RGS20: variants seen among roughly 807,000 people sequenced by gnomAD.
RGS20 encodes the protein regulator of G protein signaling 20.
A neutral mutation model predicts 33.6 loss-of-function variants in RGS20; 30 were observed. That is an observed-to-expected ratio of 0.89 (90% CI 0.67 to 1.21). The LOEUF (loss-of-function observed/expected upper bound fraction) is 1.21, where lower values mean the gene tolerates loss of function less well. RGS20 is among the 50% of genes most tolerant of loss of function. RGS20 has a pLI of 0.00. For missense variants in RGS20, 472 were observed against 502.4 expected, an observed-to-expected ratio of 0.94 and a Z score of 0.58; for synonymous variants, 208 against 197.9, an observed-to-expected ratio of 1.05 and a Z score of -0.43.
At chr8:53,930,919 T>C (rs1813940243) in intron 2 of RGS20, among the ~76,000 whole-genome samples, 1 of 152,198 alleles carries the variant, frequency 6.6e-6, no homozygotes, top group Admixed American at 6.5e-5. Flanking sequence ...TGTGCTGGCT[T>C]GTCCTGAGGC....
rs1812951925 is a variant in RGS20, at chr8:53,899,453, T to TTTTATGCTGCCTTTAAGGTAAA, written c.510+19853_510+19854insTATGCTGCCTTTAAGGTAAATT. Among the ~76,000 whole-genome samples, 6 of 152,244 alleles carry TTTTATGCTGCCTTTAAGGTAAA rather than the reference T, an allele frequency of 3.9e-5. 1 individual carries two copies. Among genetic ancestry groups the TTTTATGCTGCCTTTAAGGTAAA allele is most frequent in the Non-Finnish European group, 7.3e-5 (5 of 68,036 alleles). On this transcript the variant is annotated intron_variant, in intron 2 of 5. Transcript: ENST00000297313. The stretch of plus-strand genomic sequence containing the variant: ...TTTAAGGTAAATTAAAATACCAGCA[T>TTTTATGCTGCCTTTAAGGTAAA]TTAAAAACTGTTTTATGACATCCAT...
At chr8:53,910,803 G>A (rs1813328729) in intron 2 of RGS20, among the ~76,000 whole-genome samples, 2 of 152,092 alleles carry the variant, frequency 1.3e-5, no homozygotes, top group Non-Finnish European at 2.9e-5. Flanking sequence ...AAAGCATTAC[G>A]CTAAGTGAAA....
intron 1 of RGS20, chr8:53,852,137 A>C (rs878974668): frequency 1.8e-5 from 25 of 1,380,438 alleles, no homozygotes; most frequent in Non-Finnish European, 2.4e-5. Flanking sequence ...ATATAAAACT[A>C]TACTCAAGCT....
chr8:53,894,915 A>T (rs773340806), intron 2 of RGS20, among the ~76,000 whole-genome samples: 29 of 152,220 alleles, frequency 1.9e-4, no homozygotes, highest in African/African-American at 9.6e-5. Context: ...TGAAGCCCAC[A>T]GGAGGGGACT....
intron 2 of RGS20, 128 bp downstream of exon 1, chr8:53,881,212 CGG>C: frequency 1.5e-6 from 1 of 661,718 alleles, no homozygotes; most frequent in Non-Finnish European, 2.3e-6. Context: ...GCCGTTGCTG[CGG>C]GGCGGGAGCC....
At chr8:53,888,073 T>C (rs1812599430) in intron 2 of RGS20, among the ~76,000 whole-genome samples, 1 of 152,220 alleles carries the variant, frequency 6.6e-6, no homozygotes, top group Non-Finnish European at 1.5e-5. Context: ...TATACATTCA[T>C]TGTGTTTTTA....
intron 5 of RGS20, among the ~76,000 whole-genome samples, chr8:53,957,702 A>G (rs987975068): frequency 6.6e-6 from 1 of 152,226 alleles, no homozygotes; most frequent in Non-Finnish European, 1.5e-5. Flanking sequence ...CCCTACACCT[A>G]CTGAGTCTGG....
intron 1 of RGS20, among the ~76,000 whole-genome samples, chr8:53,854,434 T>C (rs541688443): frequency 6.6e-6 from 1 of 151,894 alleles, no homozygotes; most frequent in East Asian, 1.9e-4. Context: ...GCCATTTTAC[T>C]GAAGAGAATA....
intron 3 of RGS20, among the ~76,000 whole-genome samples, chr8:53,944,348 A>G (rs1345830747): frequency 2.0e-5 from 3 of 152,112 alleles, no homozygotes; most frequent in African/African-American, 7.2e-5. Flanking sequence ...GACCAGCAGG[A>G]CCAACATAGT....
chr8:53,906,624 TGA>T (rs776846009), intron 2 of RGS20, among the ~76,000 whole-genome samples: 1 of 152,128 alleles, frequency 6.6e-6, no homozygotes, highest in Non-Finnish European at 1.5e-5. Flanking sequence ...AACAAGGAAA[TGA>T]GAGTGTCTCT....
intron 2 of RGS20, among the ~76,000 whole-genome samples, chr8:53,889,412 C>CTTTTTTTTTTTTTTTTTTTTTT (rs34316630): frequency 4.8e-5 from 2 of 41,834 alleles, no homozygotes; most frequent in African/African-American, 1.1e-4. Flanking sequence ...CTCTCTCTCT[C>CTTTTTTTTTTTTTTTTTTTTTT]TTTTTTTTTT....
rs375024025 is a variant in RGS20, at chr8:53,877,765, TC to T, written c.166-1492del. Among the ~76,000 whole-genome samples, 252 of 152,306 alleles carry T rather than the reference TC, an allele frequency of 1.7e-3. 1 individual carries two copies. The highest frequency in any genetic ancestry group is 5.8e-3 in the African/African-American group (240 of 41,584). On this transcript the variant is annotated intron_variant, in intron 1 of 5. Transcript: ENST00000297313. This position sits in a 1 kb window ranked among gnomAD's most constrained non-coding sequence, Gnocchi z 5.7. ...ACTTACTCGGAAATGCAAACCGAGT[TC>T]AACTCACCCAGGAGCAAACAAACGA...
chr8:53,921,607 T>C (rs1813650448), intron 2 of RGS20, among the ~76,000 whole-genome samples: 1 of 152,076 alleles, frequency 6.6e-6, no homozygotes, highest in African/African-American at 2.4e-5. Context: ...TTTTTTCCAT[T>C]TCATCTAAGT....
chr8:53,930,639 G>C (rs1447348858), intron 2 of RGS20, among the ~76,000 whole-genome samples: 3 of 152,088 alleles, frequency 2.0e-5, no homozygotes, highest in Non-Finnish European at 4.4e-5. Context: ...TCTGCCTCCG[G>C]GGTTCAAGTG....
chr8:53,950,346 C>CT (rs1387979843), intron 4 of RGS20, among the ~76,000 whole-genome samples: 1 of 152,060 alleles, frequency 6.6e-6, no homozygotes, highest in Non-Finnish European at 1.5e-5. Context: ...TTGAGTTTCC[C>CT]TTATCCAAAA....
At position 53,917,391 on chromosome 8, in the gene RGS20, C is replaced by T. The variant is rs540923136; in HGVS notation, c.511-22185C>T. Among the ~76,000 whole-genome samples the T allele has an allele frequency of 9.9e-5, 15 of 152,176 alleles. No individual in the cohort carries two copies. In the East Asian group the frequency reaches 1.2e-3, roughly 12 times the overall value. On this transcript the variant is annotated intron_variant, in intron 2 of 5. Transcript: ENST00000297313. Reference sequence around the variant, plus strand: ...CTGGAACTCCTGACCTCAGGTGATCCGCCTGCCTCAGCCTCCCAAAGTGCA... The same window carrying T: ...CTGGAACTCCTGACCTCAGGTGATCTGCCTGCCTCAGCCTCCCAAAGTGCA...
chr8:53,900,553 A>G lies in RGS20; in HGVS notation c.510+20951A>G, dbSNP rs192887123. The stretch of plus-strand genomic sequence containing the variant: ...AATGTAAACAAAAAATAAAATATCA[A>G]TAAGTACTAAATTTAAAGAAATAAG... On this transcript the variant is annotated intron_variant, in intron 2 of 5. Coordinates refer to ENST00000297313, the MANE Select transcript of RGS20 (RefSeq NM_170587.4). 5.0e-3 allele frequency among the ~76,000 whole-genome samples: 758 copies of G among 152,340 alleles called. 2 individuals are homozygous for G. Among genetic ancestry groups the G allele is most frequent in the Non-Finnish European group, 8.9e-3 (608 of 68,038 alleles).
chr8:53,902,529 C>A (rs1438318794), intron 2 of RGS20, among the ~76,000 whole-genome samples: 2 of 152,152 alleles, frequency 1.3e-5, no homozygotes, highest in Non-Finnish European at 2.9e-5. Flanking sequence ...GCTCTCTATC[C>A]TTCCTCTCTA....
chr8:53,885,790 CTTTTT>C (rs1172257852), intron 2 of RGS20, among the ~76,000 whole-genome samples: 3,147 of 112,734 alleles, frequency 0.028, 113 homozygotes, highest in African/African-American at 0.1. Flanking sequence ...GTATCTTACT[CTTTTT>C]TTTTTTTTTT....
Sources: allele counts gnomAD v4.1 joint callset (sites outside exome capture counted in the v4.1 genomes callset), GRCh38; gene constraint gnomAD v4.1.1; non-coding constraint Gnocchi (gnomAD v3.1); transcripts MANE v1.5; gene names NCBI Gene and HGNC (gene_info 2026-07-23, HGNC 2026-07-21).